Variants in PTGS1 observed in about 807,000 individuals in gnomAD.
PTGS1 encodes the protein prostaglandin G/H synthase 1.
PTGS1 carries 40 observed loss-of-function variants against 63.0 expected under a neutral mutation model. The ratio of observed to expected loss-of-function variants is 0.63; its 90% CI spans 0.49 to 0.83. PTGS1 has a LOEUF of 0.83. Ranked by LOEUF, PTGS1 falls within the 40% of genes least tolerant of loss-of-function variation. The pLI is 0.00. For missense variants in PTGS1, 709 were observed against 786.5 expected (o/e 0.90, Z 1.18); for synonymous variants, 298 against 301.9 (o/e 0.99, Z 0.13).
intron 2 of PTGS1, chr9:122,371,951 A>C: frequency 2.6e-6 from 2 of 773,302 alleles, no homozygotes; most frequent in Non-Finnish European, 4.2e-6. Flanking sequence ...GCTTCTACCC[A>C]CAATGGACCC....
chr9:122,388,283 C>G (rs1211500693), intron 9 of PTGS1, among the ~76,000 whole-genome samples: 4 of 151,926 alleles, frequency 2.6e-5, no homozygotes, highest in Non-Finnish European at 4.4e-5. Context: ...TGGGCTCAAG[C>G]GATCTGCCCG....
chr9:122,386,841 C>A, intron 9 of PTGS1, 109 bp downstream of exon 9: 4 of 1,322,928 alleles, frequency 3.0e-6, no homozygotes, highest in Non-Finnish European at 2.1e-6. Flanking sequence ...GTCACTTCTA[C>A]AGGGCAGTTG....
Position 122,378,086 on chromosome 9 carries a change from C to A in PTGS1, c.211+71C>A, listed in dbSNP as rs1837282862. The A allele has an allele frequency of 2.9e-6, 4 of 1,362,972 alleles. No individual in the cohort carries two copies. The East Asian group carries it at 9.2e-5, about 31-fold the overall frequency. 84.4% of individuals were successfully genotyped at this position (1,362,972 alleles called of 1,614,324 possible). ...TGCTCCCCGGGCCCTTTCTCCTAGACCCTAACTTCCTACCCTCCTCTCTGA... is the reference window on the plus strand; with the variant it reads ...TGCTCCCCGGGCCCTTTCTCCTAGAACCTAACTTCCTACCCTCCTCTCTGA... On this transcript the variant is annotated intron_variant, in intron 3 of 10. Transcript: ENST00000362012.
Position 122,378,777 on chromosome 9 carries a change from C to T in PTGS1, c.355C>T (p.Arg119Cys), listed in dbSNP as rs117122585. 8 of 1,614,036 alleles carry T rather than the reference C, an allele frequency of 5.0e-6. No individual in the cohort carries two copies. Among genetic ancestry groups the T allele is most frequent in the Admixed American group, 1.7e-5 (1 of 60,004 alleles). ...ACCGTTATTTTTGCTCTCTGCAGTG[C>T]GCTCCAACCTTATCCCCAGTCCCCC... ...EMLMRLVLTV[R>C]SNLIPSPPTY... The change falls in exon 5 of 11, where the codon CGC becomes TGC. Residue 119 changes from arginine to cysteine, a missense_variant and splice_region_variant. Coordinates refer to ENST00000362012, the MANE Select transcript of PTGS1 (RefSeq NM_000962.4).
At chr9:122,378,605 G>A (rs988980641) in intron 4 of PTGS1, 32 bp downstream of exon 4, 1 of 1,613,998 alleles carries the variant, frequency 6.2e-7, no homozygotes, top group Non-Finnish European at 8.5e-7. Flanking sequence ...CTGACCTGGG[G>A]GAGCAAGCAA....
chr9:122,371,553 G>C lies in PTGS1; in HGVS notation c.94+281G>C, dbSNP rs143592532. On this transcript the variant is annotated intron_variant, in intron 2 of 10. Transcript: ENST00000362012. ...CAGTCCCTATCCATCCCCCTCACCT[G>C]TTCTGGGCCCCAGATGTCTAAGCAG... The C allele has an allele frequency of 1.9e-4, 266 of 1,412,204 alleles. No individual in the cohort carries two copies. In the African/African-American group the frequency reaches 3.4e-3, roughly 18 times the overall value. The allele number at this position is 1,412,204 out of a possible 1,614,324, so 87.5% of individuals were successfully genotyped here. A position where few individuals can be genotyped will look rare whatever the true frequency, so the allele number is the denominator to read the frequency against.
intron 2 of PTGS1, among the ~76,000 whole-genome samples, chr9:122,373,232 G>A (rs1028778591): frequency 6.6e-6 from 1 of 152,198 alleles, no homozygotes; most frequent in East Asian, 1.9e-4. Context: ...AACTGGTACC[G>A]AGGCTCCTGC....
At chr9:122,371,441 C>CG (rs962151945) in intron 2 of PTGS1, among the ~76,000 whole-genome samples, 169 bp downstream of exon 2, 1 of 152,228 alleles carries the variant, frequency 6.6e-6, no homozygotes, top group Non-Finnish European at 1.5e-5. Context: ...GAAGCCCCCC[C>CG]GGCGGTGTGG....
intron 5 of PTGS1, among the ~76,000 whole-genome samples, chr9:122,379,136 C>T (rs1268394549): frequency 2.6e-5 from 4 of 152,124 alleles, no homozygotes; most frequent in African/African-American, 9.7e-5. Context: ...TTCCATAGTT[C>T]CAGGGTGCCT....
Position 122,387,343 on chromosome 9 carries a change from A to C in PTGS1, c.1296+611A>C, listed in dbSNP as rs115616858. 5.1e-3 allele frequency among the ~76,000 whole-genome samples: 784 copies of C among 152,246 alleles called. 3 individuals are homozygous for C. The highest frequency in any genetic ancestry group is 0.018 in the African/African-American group (751 of 41,564). On this transcript the variant is annotated intron_variant, in intron 9 of 10. Coordinates refer to ENST00000362012, the MANE Select transcript of PTGS1 (RefSeq NM_000962.4). ...ACAGAAGGACATTCAGGGCATGGTAATGTATGTAACAGTGCCCGCCTATGG... is the reference window on the plus strand; with the variant it reads ...ACAGAAGGACATTCAGGGCATGGTACTGTATGTAACAGTGCCCGCCTATGG...
intron 2 of PTGS1, chr9:122,375,463 T>G (rs1284016294): frequency 2.0e-6 from 2 of 985,364 alleles, no homozygotes; most frequent in African/African-American, 3.5e-5. Context: ...TCTCCTCACT[T>G]CATTTTATTT....
intron 9 of PTGS1, among the ~76,000 whole-genome samples, chr9:122,388,122 T>G (rs1837987189): frequency 6.6e-6 from 1 of 152,204 alleles, no homozygotes; most frequent in Non-Finnish European, 1.5e-5. Context: ...GGAATGACCA[T>G]GATGATGTAC....
chr9:122,375,582 A>C (rs1837087628), intron 2 of PTGS1: 3 of 762,442 alleles, frequency 3.9e-6, no homozygotes, highest in Non-Finnish European at 4.8e-6. Context: ...CCTTAAGGGA[A>C]GCGGGGGTCC....
chr9:122,383,247 G>A (rs1588131920), intron 7 of PTGS1, among the ~76,000 whole-genome samples: 1 of 147,422 alleles, frequency 6.8e-6, no homozygotes, highest in South Asian at 2.2e-4. Flanking sequence ...GCAGTGCAGA[G>A]ACTGGCCTGT....
Position 122,371,048 on chromosome 9 carries a change from G to A in PTGS1, c.-37G>A, listed in dbSNP as rs758897657. 6 of 1,579,248 alleles carry A rather than the reference G, an allele frequency of 3.8e-6. No individual in the cohort carries two copies. The East Asian group carries it at 1.4e-4, about 36-fold the overall frequency. ...CAGTGTGCGAGGCGCACGCACAGGA[G>A]CCTGCACTCTGCGTCCCGCACCCCA... On this transcript the variant is annotated 5_prime_UTR_variant, in exon 1 of 11. Transcript: ENST00000362012.
chr9:122,374,649 T>C (rs1564130056), intron 2 of PTGS1, among the ~76,000 whole-genome samples: 1 of 152,230 alleles, frequency 6.6e-6, no homozygotes, highest in Non-Finnish European at 1.5e-5. Flanking sequence ...AAGGCCTTCC[T>C]GTACGAATAC....
chr9:122,390,978 C>A (rs1261775649), intron 10 of PTGS1, among the ~76,000 whole-genome samples: 1 of 151,860 alleles, frequency 6.6e-6, no homozygotes, highest in Non-Finnish European at 1.5e-5. Context: ...GGGCAAGGAG[C>A]TTATGTTGTG....
intron 2 of PTGS1, 138 bp downstream of exon 2, chr9:122,371,410 T>A: frequency 7.0e-7 from 1 of 1,436,248 alleles, no homozygotes; most frequent in Non-Finnish European, 9.3e-7. Flanking sequence ...GCTGAGTCTT[T>A]TGGTGGGATG....
Position 122,378,681 on chromosome 9 carries a change from C to T in PTGS1, c.353-94C>T. 18 of 1,601,154 alleles carry T rather than the reference C, an allele frequency of 1.1e-5. 1 individual carries two copies. The South Asian group carries it at 1.9e-4, about 17-fold the overall frequency. ...AGTGGGTGGGGAGAGTCTATGATGC[C>T]TGATAAAATAAGCCCCAACCCAGGA... On this transcript the variant is annotated intron_variant, in intron 4 of 10. Coordinates refer to ENST00000362012, the MANE Select transcript of PTGS1 (RefSeq NM_000962.4).
Sources: allele counts gnomAD v4.1 joint callset (sites outside exome capture counted in the v4.1 genomes callset), GRCh38; gene constraint gnomAD v4.1.1; transcripts MANE v1.5; gene names NCBI Gene and HGNC (gene_info 2026-07-23, HGNC 2026-07-21).